Variants in TBC1D14 observed in about 807,000 individuals in gnomAD.
The protein encoded by TBC1D14 is TBC1 domain family, member 14.
TBC1D14 carries 26 observed loss-of-function variants against 79.0 expected under a neutral mutation model. The observed-to-expected ratio is 0.33, with a 90% CI of 0.24 to 0.46. The LOEUF is 0.46. Ranked by LOEUF, TBC1D14 falls within the 20% of genes least tolerant of loss-of-function variation. The probability of loss-of-function intolerance (pLI) is 1.00; values close to 1 mark genes in which losing one functional copy is unlikely to be tolerated. For missense variants in TBC1D14, 769 were observed against 887.6 expected, an observed-to-expected ratio of 0.87 and a Z score of 1.70; for synonymous variants, 394 against 349.9, an observed-to-expected ratio of 1.13 and a Z score of -1.40.
chr4:6,977,266 G>A (rs1481190735), intron 3 of TBC1D14, among the ~76,000 whole-genome samples: 11 of 148,486 alleles, frequency 7.4e-5, no homozygotes, highest in African/African-American at 2.7e-4. Flanking sequence ...GATTGCAGGT[G>A]CGCGCCGCCA....
At chr4:6,980,864 C>T (rs1252487361) in intron 3 of TBC1D14, among the ~76,000 whole-genome samples, 2 of 150,390 alleles carry the variant, frequency 1.3e-5, no homozygotes, top group African/African-American at 2.5e-5. Context: ...TACAGGCGCC[C>T]GCCACCACGC....
At chr4:6,972,075 G>A (rs1163803771) in intron 3 of TBC1D14, among the ~76,000 whole-genome samples, 2 of 152,190 alleles carry the variant, frequency 1.3e-5, no homozygotes, top group South Asian at 2.1e-4. Context: ...CCTCGGAAGT[G>A]CAGTCCTTTG....
intron 13 of TBC1D14, among the ~76,000 whole-genome samples, chr4:7,028,663 G>T (rs1461718856): frequency 2.0e-5 from 3 of 152,064 alleles, no homozygotes; most frequent in Admixed American, 1.3e-4. Flanking sequence ...CTGACCTCGC[G>T]ATCCACCTAC....
intron 2 of TBC1D14, among the ~76,000 whole-genome samples, chr4:6,924,583 C>T (rs1248896803): frequency 2.0e-5 from 3 of 152,188 alleles, no homozygotes; most frequent in Admixed American, 6.5e-5. Context: ...GCTGTGCTCT[C>T]GTGTGCCTGT....
chr4:7,027,848 A>C (rs909266570), intron 13 of TBC1D14, among the ~76,000 whole-genome samples: 9 of 142,116 alleles, frequency 6.3e-5, no homozygotes, highest in African/African-American at 2.1e-4. Context: ...AGGCATACCC[A>C]CACACACACA....
chr4:6,986,915 C>G (rs770698474), intron 3 of TBC1D14, among the ~76,000 whole-genome samples: 1 of 152,252 alleles, frequency 6.6e-6, no homozygotes, highest in South Asian at 2.1e-4. Flanking sequence ...TCACAATCAC[C>G]CCGCCACCCA....
At chr4:6,938,074 C>T (rs567466089) in intron 2 of TBC1D14, among the ~76,000 whole-genome samples, 140 of 152,310 alleles carry the variant, frequency 9.2e-4, no homozygotes, top group Middle Eastern at 3.4e-3. Flanking sequence ...GCAGTGCCGT[C>T]CCGGGCGTTG....
Position 6,967,215 on chromosome 4 carries a change from C to A in TBC1D14, c.723-89C>A, listed in dbSNP as rs9291126. ...AAAGTACGTGGTTCTCAGAGGAAAG[C>A]TGACTTGTTTTTATTAGAGTGGTTC... On this transcript the variant is annotated intron_variant, in intron 2 of 13. Transcript: ENST00000409757. The A allele has an allele frequency of 6.0e-4, 907 of 1,516,322 alleles. 6 individuals carry two copies. The African/African-American group carries it at 9.1e-3, about 15-fold the overall frequency. The allele number at this position is 1,516,322 out of a possible 1,614,324, so 93.9% of individuals were successfully genotyped here. A position where few individuals can be genotyped will look rare whatever the true frequency, so the allele number is the denominator to read the frequency against.
At chr4:7,012,868 G>A (rs1720910195) in intron 11 of TBC1D14, among the ~76,000 whole-genome samples, 1 of 152,168 alleles carries the variant, frequency 6.6e-6, no homozygotes, top group African/African-American at 2.4e-5. Context: ...AATAAATCTT[G>A]AGGAAGCGTT....
intron 2 of TBC1D14, among the ~76,000 whole-genome samples, chr4:6,933,542 G>C (rs1490409334): frequency 6.6e-6 from 1 of 151,924 alleles, no homozygotes; most frequent in Non-Finnish European, 1.5e-5. Flanking sequence ...CTAGCCTCAA[G>C]TGATCCTCCT....
chr4:6,951,921 G>C (rs1714078984), intron 2 of TBC1D14, among the ~76,000 whole-genome samples: 1 of 152,108 alleles, frequency 6.6e-6, no homozygotes, highest in South Asian at 2.1e-4. Context: ...GATTTGGAGA[G>C]GCATGGGAAC....
At chr4:6,933,956 A>G (rs1007018067) in intron 2 of TBC1D14, among the ~76,000 whole-genome samples, 2 of 152,196 alleles carry the variant, frequency 1.3e-5, no homozygotes, top group East Asian at 3.8e-4. Context: ...GAGAAAAGAA[A>G]GGAGTCAAAG....
In TBC1D14 at chr4:6,923,983, A is replaced by G; in HGVS notation, c.594A>G (p.Pro198=). Residue 198 remains proline, a synonymous_variant, in exon 2 of 14, where the codon CCA becomes CCG. Coordinates refer to ENST00000409757, the MANE Select transcript of TBC1D14 (RefSeq NM_020773.3). ...TGACCCTGGAGAATGACGATGACCC[A>G]CAGTTTACCAACGTCACCTTGAGCT... ...AIVTLENDDD[P]QFTNVTLSSI... is the part of the protein sequence containing the mutation. 1 of 1,614,142 alleles carries G rather than the reference A, an allele frequency of 6.2e-7. No individual in the cohort carries two copies. Among genetic ancestry groups the G allele is most frequent in the Non-Finnish European group, 8.5e-7 (1 of 1,180,034 alleles).
chr4:7,024,044 C>T (rs1260998170), intron 12 of TBC1D14, among the ~76,000 whole-genome samples: 1 of 152,234 alleles, frequency 6.6e-6, no homozygotes, highest in Non-Finnish European at 1.5e-5. Flanking sequence ...ACGTCCATAA[C>T]TGCATGTCCT....
chr4:6,928,279 A>G lies in TBC1D14; in HGVS notation c.722+4168A>G, dbSNP rs576314219. Among the ~76,000 whole-genome samples the G allele has an allele frequency of 6.6e-5, 10 of 152,264 alleles. No individual in the cohort carries two copies. The East Asian group carries it at 1.7e-3, about 26-fold the overall frequency. On this transcript the variant is annotated intron_variant, in intron 2 of 13. Coordinates refer to ENST00000409757, the MANE Select transcript of TBC1D14 (RefSeq NM_020773.3). ...ACCTGGCTGTGTTTAAAGAACTGGA[A>G]TGATGGATTTTTCCGGACCACTTCC...
chr4:6,984,026 C>G (rs975605856), intron 3 of TBC1D14, among the ~76,000 whole-genome samples: 1 of 151,722 alleles, frequency 6.6e-6, no homozygotes, highest in African/African-American at 2.4e-5. Context: ...AATAGGAATT[C>G]AGGAACAGGA....
intron 9 of TBC1D14, among the ~76,000 whole-genome samples, chr4:7,009,203 G>T (rs980872522): frequency 2.0e-5 from 3 of 152,200 alleles, no homozygotes; most frequent in Non-Finnish European, 4.4e-5. Flanking sequence ...GACTGAACCT[G>T]TCCTTTTGTT....
At position 7,031,196 on chromosome 4, in the gene TBC1D14, T is replaced by C. The variant is rs1470009363; in HGVS notation, c.*804T>C. ...CAGAGTGGAATCAGCCCCCTGTAAGTAAAAGGGTAGAGAAAGAGATGTGTG... is the reference window on the plus strand; with the variant it reads ...CAGAGTGGAATCAGCCCCCTGTAAGCAAAAGGGTAGAGAAAGAGATGTGTG... On this transcript the variant is annotated 3_prime_UTR_variant, in exon 14 of 14. Coordinates refer to ENST00000409757, the MANE Select transcript of TBC1D14 (RefSeq NM_020773.3). 6.6e-6 allele frequency: 1 copy of C among 152,324 alleles called. No homozygotes were observed. 9.4% of individuals were successfully genotyped at this position (152,324 alleles called of 1,614,324 possible). A position where few individuals can be genotyped will look rare whatever the true frequency, so the allele number is the denominator to read the frequency against.
intron 3 of TBC1D14, among the ~76,000 whole-genome samples, chr4:6,983,561 G>A (rs906381873): frequency 6.6e-6 from 1 of 152,146 alleles, no homozygotes; most frequent in African/African-American, 2.4e-5. Flanking sequence ...GACTGGGATC[G>A]TTTGGTGGAG....
Sources: allele counts gnomAD v4.1 joint callset (sites outside exome capture counted in the v4.1 genomes callset), GRCh38; gene constraint gnomAD v4.1.1; transcripts MANE v1.5; gene names NCBI Gene and HGNC (gene_info 2026-07-23, HGNC 2026-07-21).